The following SCHIP1 variants were observed in gnomAD, a reference collection of about 807,000 sequenced individuals.
SCHIP1 encodes the protein schwannomin-interacting protein 1.
Under a neutral mutation model 29.7 loss-of-function variants are expected in SCHIP1, and 8 were observed. The observed-to-expected ratio is 0.27, with a 90% confidence interval of 0.16 to 0.49. The LOEUF (loss-of-function observed/expected upper bound fraction) is 0.49, where lower values mean the gene tolerates loss of function less well. SCHIP1 is among the 20% of genes least tolerant of loss of function. SCHIP1 has a pLI of 0.99. For missense variants in SCHIP1, 193 were observed against 294.6 expected (o/e 0.66, Z 2.52); for synonymous variants, 76 against 94.9 (o/e 0.80, Z 1.16).
At chr3:159,789,983 C>A in the SCHIP1 span, among the ~76,000 whole-genome samples, 11 of 152,160 alleles carry the variant, frequency 7.2e-5, no homozygotes, top group African/African-American at 2.2e-4. Context: ...AGCCAATGAT[C>A]CAAAACAGGT....
the SCHIP1 span, among the ~76,000 whole-genome samples, chr3:159,794,409 G>T: frequency 5.9e-5 from 9 of 152,178 alleles, no homozygotes; most frequent in Admixed American, 5.2e-4. Context: ...GGGTCTCATT[G>T]TGCTGAAATG....
At chr3:159,323,414 T>C in the SCHIP1 span, among the ~76,000 whole-genome samples, 1 of 152,240 alleles carries the variant, frequency 6.6e-6, no homozygotes, top group Non-Finnish European at 1.5e-5. Context: ...TAAGCATTGC[T>C]TTGCACCCTT....
chr3:159,680,552 A>AT, the SCHIP1 span, among the ~76,000 whole-genome samples: 5 of 116,092 alleles, frequency 4.3e-5, no homozygotes, highest in African/African-American at 1.7e-4. Context: ...GTATATATAT[A>AT]ATATATATAA....
the SCHIP1 span, among the ~76,000 whole-genome samples, chr3:159,604,444 C>T: frequency 2.6e-5 from 4 of 152,276 alleles, no homozygotes; most frequent in Non-Finnish European, 4.4e-5. Flanking sequence ...AAGCATGATA[C>T]GGGTGACCAC....
the SCHIP1 span, among the ~76,000 whole-genome samples, chr3:159,537,125 T>G: frequency 7.9e-5 from 12 of 152,128 alleles, no homozygotes; most frequent in Non-Finnish European, 1.6e-4. Context: ...ATGCAGGATA[T>G]TAGGCAGCTA....
chr3:159,880,379 T>G (rs1295172288), intron 2 of SCHIP1, among the ~76,000 whole-genome samples: 1 of 152,238 alleles, frequency 6.6e-6, no homozygotes, highest in Non-Finnish European at 1.5e-5. Context: ...CAAAAGTATT[T>G]TCCATATATA....
At chr3:159,352,407 C>G in the SCHIP1 span, among the ~76,000 whole-genome samples, 2 of 152,156 alleles carry the variant, frequency 1.3e-5, no homozygotes, top group African/African-American at 2.4e-5. Flanking sequence ...TCACATGCAG[C>G]TGTAATAAAT....
intron 1 of SCHIP1, among the ~76,000 whole-genome samples, chr3:159,843,694 G>T (rs1744497856): frequency 1.3e-5 from 2 of 151,842 alleles, no homozygotes; most frequent in Admixed American, 6.5e-5. Context: ...AAGGTGGCGG[G>T]CACCTGTAGT....
chr3:159,713,274 A>AAG, the SCHIP1 span, among the ~76,000 whole-genome samples: 2 of 151,654 alleles, frequency 1.3e-5, no homozygotes, highest in Non-Finnish European at 2.9e-5. Context: ...GAAAGAAAGA[A>AAG]AGAAAGAAAG....
the SCHIP1 span, among the ~76,000 whole-genome samples, chr3:159,432,438 A>G: frequency 6.6e-6 from 1 of 152,058 alleles, no homozygotes; most frequent in Non-Finnish European, 1.5e-5. Context: ...TGGAAGTCAT[A>G]CATGTTCACT....
the SCHIP1 span, among the ~76,000 whole-genome samples, chr3:159,429,558 C>A: frequency 2.6e-5 from 4 of 152,266 alleles, no homozygotes; most frequent in South Asian, 4.2e-4. Context: ...GCTTGCAAAT[C>A]ACCCTCCAAC....
chr3:159,734,135 CTTTTTTTTTTTT>C, the SCHIP1 span, among the ~76,000 whole-genome samples: 2 of 100,938 alleles, frequency 2.0e-5, no homozygotes, highest in Non-Finnish European at 3.7e-5. Flanking sequence ...TTATTGTTTA[CTTTTTTTTTTTT>C]TTTTTTTTTT....
chr3:159,453,910 C>G, the SCHIP1 span, among the ~76,000 whole-genome samples: 1 of 152,196 alleles, frequency 6.6e-6, no homozygotes. Flanking sequence ...GTGGCCCACT[C>G]TACCCTGACC....
the SCHIP1 span, among the ~76,000 whole-genome samples, chr3:159,715,143 G>A: frequency 6.6e-6 from 1 of 152,234 alleles, no homozygotes; most frequent in African/African-American, 2.4e-5. Context: ...GGTCTGGAGT[G>A]GACCTCCAGC....
At chr3:159,375,205 C>A in the SCHIP1 span, among the ~76,000 whole-genome samples, 1 of 152,102 alleles carries the variant, frequency 6.6e-6, no homozygotes, top group African/African-American at 2.4e-5. Context: ...AGTAAACAAG[C>A]AATGACAGGT....
the SCHIP1 span, among the ~76,000 whole-genome samples, chr3:159,511,501 G>T: frequency 6.6e-6 from 1 of 152,186 alleles, no homozygotes; most frequent in Admixed American, 6.5e-5. Context: ...ATGAGCCCCA[G>T]TGAGATGAAC....
the SCHIP1 span, among the ~76,000 whole-genome samples, chr3:159,454,253 C>T: frequency 6.6e-6 from 1 of 152,166 alleles, no homozygotes; most frequent in East Asian, 1.9e-4. Flanking sequence ...TTTTTCAAAA[C>T]TACTCCTATG....
intron 2 of SCHIP1, among the ~76,000 whole-genome samples, chr3:159,870,433 G>A (rs1223966709): frequency 2.6e-5 from 4 of 151,860 alleles, no homozygotes. Context: ...TCATGAATGG[G>A]TATTTAACTG....
At chr3:159,888,792 C>G (rs1266238282) in intron 4 of SCHIP1, 28 bp from the exon 6 acceptor site, 1 of 1,612,164 alleles carries the variant, frequency 6.2e-7, no homozygotes, top group Admixed American at 1.7e-5. Flanking sequence ...CTGTTCACTC[C>G]TCCATTTCTT....
Sources: allele counts gnomAD v4.1 joint callset (sites outside exome capture counted in the v4.1 genomes callset), GRCh38; gene constraint gnomAD v4.1.1; transcripts MANE v1.5; gene names NCBI Gene and HGNC (gene_info 2026-07-23, HGNC 2026-07-21).